Variants in MEGF11 observed in about 807,000 individuals in gnomAD.
MEGF11 encodes multiple EGF like domains 11, also known as multiple epidermal growth factor-like domains protein 11.
A neutral mutation model predicts 146.6 loss-of-function variants in MEGF11; 126 were observed. That is an observed-to-expected ratio of 0.86 (90% CI 0.74 to 1.00). MEGF11 has a LOEUF of 1.00. Among genes scored for constraint, MEGF11 ranks in the 50% least tolerant of loss-of-function variants. The probability of loss-of-function intolerance (pLI) is 0.00; values close to 1 mark genes in which losing one functional copy is unlikely to be tolerated. For missense variants in MEGF11, 1,509 were observed against 1,521.2 expected (o/e 0.99, Z 0.13); for synonymous variants, 532 against 583.4 (o/e 0.91, Z 1.27).
intron 8 of MEGF11, among the ~76,000 whole-genome samples, chr15:65,966,334 T>C (rs1188228023): frequency 6.6e-6 from 1 of 152,240 alleles, no homozygotes; most frequent in Non-Finnish European, 1.5e-5. Context: ...AGTCTTGTAA[T>C]TGGTGACATG....
chr15:65,898,513 C>T, intron 25 of MEGF11: 1 of 985,316 alleles, frequency 1.0e-6, no homozygotes, highest in Non-Finnish European at 1.2e-6. Flanking sequence ...CATATTAGTC[C>T]TGGTGTTTTT....
chr15:66,170,088 C>T lies in MEGF11; in HGVS notation c.-8-41677G>A, dbSNP rs60463878. Reference sequence around the variant, plus strand: ...AGTGTAGCTCCTTTTGTTCATCTTTCTACCAAAAAGACTGCACTAAAGACA... The same window carrying T: ...AGTGTAGCTCCTTTTGTTCATCTTTTTACCAAAAAGACTGCACTAAAGACA... On this transcript the variant is annotated intron_variant, in intron 1 of 25. Transcript: ENST00000395614. Among the ~76,000 whole-genome samples the T allele has an allele frequency of 8.9e-3, 1,356 of 152,140 alleles. 21 individuals are homozygous for T. Among genetic ancestry groups the T allele is most frequent in the African/African-American group, 0.031 (1,278 of 41,520 alleles).
chr15:66,147,998 A>G (rs1319878824), intron 1 of MEGF11, among the ~76,000 whole-genome samples: 1 of 152,186 alleles, frequency 6.6e-6, no homozygotes, highest in Non-Finnish European at 1.5e-5. Context: ...AATGCATGGG[A>G]GCAATATTGG....
At chr15:66,180,082 A>C (rs140166760) in intron 1 of MEGF11, among the ~76,000 whole-genome samples, 1 of 152,360 alleles carries the variant, frequency 6.6e-6, no homozygotes, top group East Asian at 1.9e-4. Context: ...CTGACTCTGT[A>C]AAGTTCTCCA....
chr15:65,950,107 C>A (rs1204722445), intron 10 of MEGF11, among the ~76,000 whole-genome samples: 2 of 152,182 alleles, frequency 1.3e-5, no homozygotes, highest in African/African-American at 4.8e-5. Context: ...AAGTGAGAGA[C>A]CCCTTGGTGT....
intron 1 of MEGF11, among the ~76,000 whole-genome samples, chr15:66,154,800 C>A (rs549595778): frequency 2.0e-5 from 3 of 152,238 alleles, no homozygotes; most frequent in East Asian, 1.9e-4. Flanking sequence ...AGTTGATGAA[C>A]CTTGGTGGGG....
chr15:66,168,897 A>G (rs575607837), intron 1 of MEGF11, among the ~76,000 whole-genome samples: 1 of 152,206 alleles, frequency 6.6e-6, no homozygotes, highest in African/African-American at 2.4e-5. Context: ...CTGAGGCAGG[A>G]GAATTGCTTG....
intron 9 of MEGF11, among the ~76,000 whole-genome samples, chr15:65,963,658 T>G (rs1468717375): frequency 6.6e-6 from 1 of 152,204 alleles, no homozygotes; most frequent in Admixed American, 6.5e-5. Context: ...TCAGTGTTTG[T>G]TGAATGAATG....
chr15:65,898,466 C>T (rs1395975682), intron 25 of MEGF11: 1 of 985,160 alleles, frequency 1.0e-6, no homozygotes, highest in Admixed American at 6.2e-5. Context: ...CGCGCGTGCA[C>T]GTGCATGTGC....
chr15:65,992,437 C>CTGTGTG (rs550236188), intron 5 of MEGF11, among the ~76,000 whole-genome samples: 1 of 76,168 alleles, frequency 1.3e-5, no homozygotes, highest in Admixed American at 1.8e-4. Flanking sequence ...GTTTGTGCCT[C>CTGTGTG]TGTGTGTGTG....
intron 1 of MEGF11, among the ~76,000 whole-genome samples, chr15:66,250,926 A>G (rs2092362016): frequency 6.6e-6 from 1 of 152,160 alleles, no homozygotes; most frequent in Non-Finnish European, 1.5e-5. Flanking sequence ...TGAAAAAAAA[A>G]GAGAGAAGGG....
chr15:66,082,036 CCTCCAGAA>C (rs2085880249), intron 5 of MEGF11, among the ~76,000 whole-genome samples: 1 of 152,180 alleles, frequency 6.6e-6, no homozygotes, highest in Admixed American at 6.5e-5. Flanking sequence ...GACCTCCGAG[CCTCCAGAA>C]CTGTGAGAAA....
intron 5 of MEGF11, among the ~76,000 whole-genome samples, chr15:66,092,477 G>A (rs2086359640): frequency 6.6e-6 from 1 of 152,202 alleles, no homozygotes; most frequent in Non-Finnish European, 1.5e-5. Flanking sequence ...ACCAAGTCTG[G>A]TGACTGAATG....
At chr15:66,206,542 A>C (rs2091303805) in intron 1 of MEGF11, among the ~76,000 whole-genome samples, 1 of 152,214 alleles carries the variant, frequency 6.6e-6, no homozygotes, top group Non-Finnish European at 1.5e-5. Context: ...AGCAGCCAGA[A>C]GTTATTTTTT....
At chr15:66,190,283 T>C (rs2141186321) in intron 1 of MEGF11, among the ~76,000 whole-genome samples, 1 of 152,296 alleles carries the variant, frequency 6.6e-6, no homozygotes, top group African/African-American at 2.4e-5. Flanking sequence ...AATTGCTTTG[T>C]AGAGGTGGGG....
intron 4 of MEGF11, among the ~76,000 whole-genome samples, chr15:66,116,583 G>A (rs542522820): frequency 2.0e-5 from 3 of 152,278 alleles, no homozygotes; most frequent in East Asian, 1.9e-4. Flanking sequence ...ATGTGGTAAC[G>A]TTACCATGCA....
At chr15:66,202,176 T>G (rs2091180233) in intron 1 of MEGF11, among the ~76,000 whole-genome samples, 1 of 151,938 alleles carries the variant, frequency 6.6e-6, no homozygotes, top group Non-Finnish European at 1.5e-5. Flanking sequence ...CACACATGCA[T>G]GCACCAATAC....
chr15:66,198,902 C>T (rs2091079660), intron 1 of MEGF11, among the ~76,000 whole-genome samples: 1 of 152,088 alleles, frequency 6.6e-6, no homozygotes, highest in African/African-American at 2.4e-5. Context: ...GCATGAGCCA[C>T]CATGCCCAGG....
chr15:66,094,321 A>G (rs2086444054), intron 5 of MEGF11, 81 bp downstream of exon 5: 2 of 1,220,078 alleles, frequency 1.6e-6, no homozygotes, highest in Non-Finnish European at 2.3e-6. Context: ...CAACACAAAA[A>G]TGTAGCATGC....
Sources: allele counts gnomAD v4.1 joint callset (sites outside exome capture counted in the v4.1 genomes callset), GRCh38; gene constraint gnomAD v4.1.1; transcripts MANE v1.5; gene names NCBI Gene and HGNC (gene_info 2026-07-23, HGNC 2026-07-21).